Variants in FCRLB observed in about 807,000 individuals in gnomAD.
The protein encoded by FCRLB is Fc receptor like B.
FCRLB carries 34 observed loss-of-function variants against 33.6 expected under a neutral mutation model. That is an observed-to-expected ratio of 1.01 (90% confidence interval 0.77 to 1.35). The LOEUF is 1.35. Ranked by LOEUF, FCRLB falls within the 40% of genes most tolerant of loss-of-function variation. The pLI, the probability that FCRLB is intolerant of heterozygous loss-of-function variation, is 0.00. For synonymous variants in FCRLB, 280 were observed against 255.9 expected, an observed-to-expected ratio of 1.09 and a Z score of -0.90; for missense variants, 560 against 580.2, an observed-to-expected ratio of 0.97 and a Z score of 0.36.
chr1:161,722,921 A>G lies in FCRLB; in HGVS notation c.32-68A>G, dbSNP rs58922802. 5,548 of 1,603,756 alleles carry G rather than the reference A, an allele frequency of 3.5e-3. 157 individuals are homozygous for G. The African/African-American group carries it at 0.063, about 18-fold the overall frequency. Reference sequence around the variant, plus strand: ...GGACCATTCAGCCTTTCTTGTCGTCAAGAGTCTCTCTCCTCTCATCGCCAA... The same window carrying G: ...GGACCATTCAGCCTTTCTTGTCGTCGAGAGTCTCTCTCCTCTCATCGCCAA... On this transcript the variant is annotated intron_variant, in intron 3 of 7. Coordinates refer to ENST00000367948, the Ensembl canonical transcript of FCRLB.
At chr1:161,723,271 GTTTCCTAAGA>G in intron 4 of FCRLB, 86 bp from the exon 5 acceptor site, 1 of 1,485,322 alleles carries the variant, frequency 6.7e-7, no homozygotes, top group Non-Finnish European at 9.2e-7. Context: ...GCGAGCTGGG[GTTTCCTAAGA>G]TTTCCCAAAC....
In FCRLB at chr1:161,726,769, G is replaced by A. The variant is rs1458521361; in HGVS notation, c.641G>A (p.Gly214Glu). Residue 214 changes from glycine (G) to glutamate (E), a missense_variant, in exon 7 of 8, where the codon GGG becomes GAG. Transcript: ENST00000367948. The surrounding 1 kb of genome is among the most constrained non-coding windows in gnomAD (Gnocchi z 5.2). ...GAGGCCCGCGGCGCGGCGCTGGGTGGGGTGGTGCTGCGCTGCGACACGCGC... is the reference window on the plus strand; with the variant it reads ...GAGGCCCGCGGCGCGGCGCTGGGTGAGGTGGTGCTGCGCTGCGACACGCGC... 6.3e-7 allele frequency: 1 copy of A among 1,581,196 alleles called. No homozygotes were observed. Among genetic ancestry groups the A allele is most frequent in the Non-Finnish European group, 8.6e-7 (1 of 1,167,104 alleles).
chr1:161,722,873 CAGA>C (rs1184160379), intron 3 of FCRLB, 113 bp from the exon 4 acceptor site: 10 of 1,511,984 alleles, frequency 6.6e-6, no homozygotes, highest in Non-Finnish European at 9.1e-6. Context: ...AAACCAGGGG[CAGA>C]AGAAGAAAAA....
exon 8 of FCRLB, chr1:161,727,296 A>T: frequency 6.2e-7 from 1 of 1,613,080 alleles, no homozygotes; most frequent in East Asian, 2.2e-5. Context: ...CATGGGCCGC[A>T]GCCTTGGCTC....
chr1:161,726,562 T>C lies in FCRLB; in HGVS notation c.575-141T>C. 2 of 1,196,610 alleles carry C rather than the reference T, an allele frequency of 1.7e-6. No homozygotes were observed. Among genetic ancestry groups the C allele is most frequent in the Non-Finnish European group, 2.4e-6 (2 of 837,860 alleles). 74.1% of individuals were successfully genotyped at this position (1,196,610 alleles called of 1,614,324 possible). ...GCCCCACATTTCAGAAGGCTCCCCT[T>C]CCCCCTCCACGTGGACACACGGCCT... On this transcript the variant is annotated intron_variant, in intron 6 of 7. Transcript: ENST00000367948. This position sits in a 1 kb window ranked among gnomAD's most constrained non-coding sequence, Gnocchi z 5.2.
At chr1:161,727,534 C>T (rs1683638598) in exon 8 of FCRLB, 1 of 1,614,058 alleles carries the variant, frequency 6.2e-7, no homozygotes, top group African/African-American at 1.3e-5. Context: ...CAAAGGCCTT[C>T]TGAGCCGGGT....
At position 161,726,575 on chromosome 1, in the gene FCRLB, G is replaced by T; in HGVS notation, c.575-128G>T. 1 of 1,301,112 alleles carries T rather than the reference G, an allele frequency of 7.7e-7. No homozygotes were observed. Among genetic ancestry groups the T allele is most frequent in the Admixed American group, 2.0e-5 (1 of 50,674 alleles). 80.6% of individuals were successfully genotyped at this position (1,301,112 alleles called of 1,614,324 possible). On this transcript the variant is annotated intron_variant, in intron 6 of 7. Coordinates refer to ENST00000367948, the Ensembl canonical transcript of FCRLB. This position sits in a 1 kb window ranked among gnomAD's most constrained non-coding sequence, Gnocchi z 5.2. ...GAAGGCTCCCCTTCCCCCTCCACGT[G>T]GACACACGGCCTCCTCCCCTCCCCC...
chr1:161,727,049 C>A (rs917404544), intron 7 of FCRLB, 56 bp downstream of exon 7: 1 of 1,431,442 alleles, frequency 7.0e-7, no homozygotes, highest in African/African-American at 1.4e-5. Context: ...CCTGCTTCCG[C>A]CTCTCGGCAC....
exon 8 of FCRLB, chr1:161,727,680 C>G (rs1045439186): frequency 1.9e-6 from 3 of 1,570,376 alleles, no homozygotes; most frequent in African/African-American, 2.7e-5. Context: ...GCTACCGTCC[C>G]CTCTGCAGGC....
chr1:161,725,994 A>T, exon 6 of FCRLB: 2 of 1,614,186 alleles, frequency 1.2e-6, no homozygotes, highest in Non-Finnish European at 1.7e-6. Flanking sequence ...GGCGCGTGCC[A>T]GCGACAGCGG....
exon 8 of FCRLB, chr1:161,727,377 G>C (rs754844581): frequency 9.3e-6 from 15 of 1,613,638 alleles, no homozygotes; most frequent in East Asian, 2.2e-5. Flanking sequence ...CCTCCGTCCG[G>C]AACACCACCT....
chr1:161,726,873 G>A lies in FCRLB; in HGVS notation c.745G>A (p.Gly249Ser), dbSNP rs200633919. ...CCGCGCGGTGCGCCGCTTCGACTGGGGCGCCGAGTACACAGTCCCGGAGCC... is the reference window on the plus strand; with the variant it reads ...CCGCGCGGTGCGCCGCTTCGACTGGAGCGCCGAGTACACAGTCCCGGAGCC... Residue 249 changes from glycine (G) to serine (S), a missense_variant, in exon 7 of 8, where the codon GGC becomes AGC. Transcript: ENST00000367948. The surrounding 1 kb of genome is among the most constrained non-coding windows in gnomAD (Gnocchi z 5.2). 1,215 of 1,582,276 alleles carry A rather than the reference G, an allele frequency of 7.7e-4. 10 individuals are homozygous for A. In the Admixed American group the frequency reaches 9.6e-3, roughly 12 times the overall value.
Position 161,726,209 on chromosome 1 carries a change from A to ATG in FCRLB, c.574+122_574+123insTG, listed in dbSNP as rs750492603. 1.2e-5 allele frequency: 18 copies of ATG among 1,479,724 alleles called. No homozygotes were observed. In the Admixed American group the frequency reaches 3.2e-4, roughly 26 times the overall value. The allele number at this position is 1,479,724 out of a possible 1,614,324, so 91.7% of individuals were successfully genotyped here. On this transcript the variant is annotated intron_variant, in intron 6 of 7. Coordinates refer to ENST00000367948, the Ensembl canonical transcript of FCRLB. This position sits in a 1 kb window ranked among gnomAD's most constrained non-coding sequence, Gnocchi z 5.2. The stretch of plus-strand genomic sequence containing the variant: ...AGCTGCCACTTGGAGGGTTTCTCTT[A>ATG]GACTATGGACGCTGTCTCCTCTCCT...
intron 2 of FCRLB, 28 bp downstream of exon 2, chr1:161,721,878 C>G (rs1683385648): frequency 6.6e-6 from 1 of 151,978 alleles, no homozygotes; most frequent in South Asian, 2.1e-4. Context: ...TGGGGCGTGG[C>G]TGGGGAGGGG....
At chr1:161,725,602 A>G (rs1316614697) in intron 5 of FCRLB, among the ~76,000 whole-genome samples, 2 of 152,186 alleles carry the variant, frequency 1.3e-5, no homozygotes, top group Non-Finnish European at 2.9e-5. Context: ...AGTTTGTGCC[A>G]CTGCACTGCA....
chr1:161,727,273 A>C (rs1478342484), exon 8 of FCRLB: 1 of 1,606,520 alleles, frequency 6.2e-7, no homozygotes. Context: ...GGCCTCCACC[A>C]CCGCCCCAGC....
chr1:161,724,719 T>G (rs1294247379), intron 5 of FCRLB, among the ~76,000 whole-genome samples: 2 of 152,168 alleles, frequency 1.3e-5, no homozygotes, highest in African/African-American at 4.8e-5. Context: ...TGCTTACAGA[T>G]TGGGAGTGCA....
chr1:161,724,106 C>T (rs1179877032), intron 5 of FCRLB, among the ~76,000 whole-genome samples: 3 of 152,096 alleles, frequency 2.0e-5, no homozygotes, highest in Non-Finnish European at 2.9e-5. Flanking sequence ...TGTATCTCTT[C>T]GGCTGCTCTG....
At chr1:161,723,071 C>A in intron 4 of FCRLB, 62 bp downstream of exon 4, 3 of 1,592,806 alleles carry the variant, frequency 1.9e-6, no homozygotes, top group South Asian at 1.1e-5. Context: ...CCCTAAGTGA[C>A]CTTTTCAAGT....
Sources: allele counts gnomAD v4.1 joint callset (sites outside exome capture counted in the v4.1 genomes callset), GRCh38; gene constraint gnomAD v4.1.1; non-coding constraint Gnocchi (gnomAD v3.1); transcripts MANE v1.5; gene names NCBI Gene and HGNC (gene_info 2026-07-23, HGNC 2026-07-21).